Variants in IL15 observed in about 807,000 individuals in gnomAD.
IL15 encodes interleukin 15, also known as interleukin-15.
A neutral mutation model predicts 19.6 loss-of-function variants in IL15; 11 were observed. That is an observed-to-expected ratio of 0.56 (90% CI 0.35 to 0.93). The LOEUF (loss-of-function observed/expected upper bound fraction) is 0.93, where lower values mean the gene tolerates loss of function less well. Ranked by LOEUF, IL15 falls within the 40% of genes least tolerant of loss-of-function variation. The pLI is 0.01. For missense variants in IL15, 197 were observed against 186.5 expected, an observed-to-expected ratio of 1.06 and a Z score of -0.33; for synonymous variants, 58 against 59.6, an observed-to-expected ratio of 0.97 and a Z score of 0.12.
intron 1 of IL15, among the ~76,000 whole-genome samples, chr4:141,649,643 A>G (rs1427492999): frequency 6.6e-6 from 1 of 152,242 alleles, no homozygotes; most frequent in East Asian, 1.9e-4. Context: ...AAAGATTTTT[A>G]AAAATCAATA....
At chr4:141,678,259 T>C (rs1432981778) in intron 2 of IL15, among the ~76,000 whole-genome samples, 1 of 152,234 alleles carries the variant, frequency 6.6e-6, no homozygotes, top group African/African-American at 2.4e-5. Flanking sequence ...CCCTATTTTA[T>C]TACAAGCTTT....
At chr4:141,680,050 A>T (rs767500404) in intron 2 of IL15, among the ~76,000 whole-genome samples, 2 of 152,218 alleles carry the variant, frequency 1.3e-5, no homozygotes, top group Admixed American at 1.3e-4. Context: ...TTTCCACTAT[A>T]CAAGAACCTA....
intron 2 of IL15, among the ~76,000 whole-genome samples, chr4:141,660,732 C>T (rs1030716727): frequency 2.6e-5 from 4 of 152,154 alleles, no homozygotes; most frequent in African/African-American, 9.7e-5. Flanking sequence ...TCCAACCCAT[C>T]ATTCCTTTCT....
rs551983370 is a variant in IL15 at position 141,697,193 on chromosome 4, G to A, written c.-99-22173G>A. On this transcript the variant is annotated intron_variant, in intron 2 of 7. Coordinates refer to ENST00000320650, the MANE Select transcript of IL15 (RefSeq NM_000585.5). Reference sequence around the variant, plus strand: ...TCTTGAGTTGATTTTTGTATAAGGCGAGAGATGAGGATCCAGTTTCATCCC... The same window carrying A: ...TCTTGAGTTGATTTTTGTATAAGGCAAGAGATGAGGATCCAGTTTCATCCC... Among the ~76,000 whole-genome samples the A allele has an allele frequency of 5.9e-5, 9 of 152,132 alleles. No individual in the cohort carries two copies. The South Asian group carries it at 6.2e-4, about 11-fold the overall frequency.
chr4:141,676,630 G>A (rs945730272), intron 2 of IL15, among the ~76,000 whole-genome samples: 40 of 152,250 alleles, frequency 2.6e-4, no homozygotes, highest in Middle Eastern at 3.4e-3. Flanking sequence ...TGAAAATGTC[G>A]TTGTTATTGA....
At chr4:141,642,148 T>C (rs1401795118) in intron 1 of IL15, among the ~76,000 whole-genome samples, 3 of 152,092 alleles carry the variant, frequency 2.0e-5, no homozygotes, top group African/African-American at 7.2e-5. Context: ...AATTGCCCCT[T>C]TATTTGGCAC....
At chr4:141,685,885 T>A (rs1297058099) in intron 2 of IL15, among the ~76,000 whole-genome samples, 4 of 152,232 alleles carry the variant, frequency 2.6e-5, no homozygotes, top group African/African-American at 9.6e-5. Context: ...TGTATTTTGT[T>A]ATTCTTACTG....
At chr4:141,657,230 A>G (rs1487675608) in intron 2 of IL15, among the ~76,000 whole-genome samples, 1 of 152,140 alleles carries the variant, frequency 6.6e-6, no homozygotes, top group African/African-American at 2.4e-5. Context: ...ATAAAAAATT[A>G]TATCCTGCAT....
At chr4:141,694,650 A>C (rs1331554384) in intron 2 of IL15, among the ~76,000 whole-genome samples, 1 of 152,200 alleles carries the variant, frequency 6.6e-6, no homozygotes, top group Non-Finnish European at 1.5e-5. Flanking sequence ...GATCTCATCC[A>C]GCCTTGAGGC....
chr4:141,654,325 C>T (rs535489698), intron 1 of IL15, among the ~76,000 whole-genome samples: 1 of 152,348 alleles, frequency 6.6e-6, no homozygotes, highest in Admixed American at 6.5e-5. Flanking sequence ...GGAGAGCTTT[C>T]TTCCATTGAA....
intron 2 of IL15, among the ~76,000 whole-genome samples, chr4:141,709,677 A>G (rs1259931700): frequency 6.6e-6 from 1 of 152,034 alleles, no homozygotes; most frequent in Non-Finnish European, 1.5e-5. Context: ...TATTTTTCAT[A>G]TTCATTTTTC....
chr4:141,731,057 C>G (rs1730435246), intron 7 of IL15, among the ~76,000 whole-genome samples: 1 of 152,154 alleles, frequency 6.6e-6, no homozygotes, highest in East Asian at 1.9e-4. Context: ...AGAGAATGAG[C>G]CTTAAGGGTA....
At chr4:141,667,273 A>G (rs1041203650) in intron 2 of IL15, among the ~76,000 whole-genome samples, 7 of 152,178 alleles carry the variant, frequency 4.6e-5, no homozygotes, top group African/African-American at 1.7e-4. Context: ...GGCTGTGGGA[A>G]CTCTGATTTA....
intron 2 of IL15, among the ~76,000 whole-genome samples, chr4:141,694,907 C>G (rs1448197277): frequency 1.3e-5 from 2 of 152,160 alleles, no homozygotes; most frequent in Non-Finnish European, 2.9e-5. Flanking sequence ...TTTAGGCTTC[C>G]ATTTCAAATG....
intron 2 of IL15, among the ~76,000 whole-genome samples, chr4:141,701,707 C>T (rs1729325050): frequency 6.6e-6 from 1 of 152,078 alleles, no homozygotes. Flanking sequence ...ATGAAGGTGG[C>T]TAAGGGAGTT....
chr4:141,683,018 C>G (rs1728586046), intron 2 of IL15, among the ~76,000 whole-genome samples: 1 of 151,840 alleles, frequency 6.6e-6, no homozygotes, highest in Admixed American at 6.6e-5. Context: ...CGCCTGTAAT[C>G]TCAACACTTT....
chr4:141,697,143 C>T (rs1182980094), intron 2 of IL15, among the ~76,000 whole-genome samples: 2 of 151,912 alleles, frequency 1.3e-5, no homozygotes, highest in African/African-American at 2.4e-5. Context: ...ATGCTTTCAG[C>T]TCTTAGATTT....
At chr4:141,679,778 T>C (rs1728473733) in intron 2 of IL15, among the ~76,000 whole-genome samples, 1 of 152,250 alleles carries the variant, frequency 6.6e-6, no homozygotes. Context: ...ACTGATGTTA[T>C]CATTTTGATG....
intron 2 of IL15, among the ~76,000 whole-genome samples, chr4:141,706,446 A>G (rs1470632975): frequency 1.3e-5 from 2 of 152,124 alleles, no homozygotes; most frequent in East Asian, 3.8e-4. Context: ...AGAGGATTAA[A>G]AGATTTGCAT....
Sources: gnomAD v4.1 joint callset for allele counts (sites outside exome capture counted in the v4.1 genomes callset) on GRCh38, gnomAD v4.1.1 for gene constraint, MANE v1.5 for transcripts, NCBI Gene and HGNC (gene_info 2026-07-23, HGNC 2026-07-21) for gene names.